Variants in GHR observed in about 807,000 individuals in gnomAD.
The protein encoded by GHR is growth hormone receptor, also known as GH receptor.
In GHR, 35 loss-of-function variants were observed where a neutral mutation model predicts 67.1. The observed-to-expected ratio is 0.52, with a 90% CI of 0.40 to 0.69. The LOEUF (loss-of-function observed/expected upper bound fraction) is 0.69, where lower values mean the gene tolerates loss of function less well. Among genes scored for constraint, GHR ranks in the 30% least tolerant of loss-of-function variants. The pLI is 0.00. For missense variants in GHR, 792 were observed against 764.6 expected (o/e 1.04, Z -0.42); for synonymous variants, 272 against 269.1 (o/e 1.01, Z -0.10).
At chr5:42,597,447 A>C (rs977511623) in intron 2 of GHR, among the ~76,000 whole-genome samples, 12 of 152,162 alleles carry the variant, frequency 7.9e-5, no homozygotes, top group African/African-American at 2.9e-4. Flanking sequence ...ACCAGTGCCC[A>C]TAGGTGGATC....
intron 8 of GHR, chr5:42,715,046 C>A (rs964309873): frequency 5.4e-6 from 2 of 368,882 alleles, no homozygotes; most frequent in Non-Finnish European, 5.3e-6. Flanking sequence ...GTAGGATTTC[C>A]AAGAAAACAT....
intron 3 of GHR, among the ~76,000 whole-genome samples, chr5:42,661,347 C>T (rs1217711671): frequency 6.6e-6 from 1 of 152,126 alleles, no homozygotes; most frequent in East Asian, 1.9e-4. Context: ...TTCAGGGCAG[C>T]CAGAGAGAAA....
chr5:42,639,534 T>C (rs1215315561), intron 3 of GHR, among the ~76,000 whole-genome samples: 1 of 152,214 alleles, frequency 6.6e-6, no homozygotes, highest in Admixed American at 6.5e-5. Context: ...AACCCCGAAT[T>C]TGAATTATTG....
At chr5:42,554,072 C>T (rs537406822) in intron 1 of GHR, among the ~76,000 whole-genome samples, 4 of 152,208 alleles carry the variant, frequency 2.6e-5, no homozygotes, top group East Asian at 1.9e-4. Context: ...ACTGAATCAG[C>T]GATTCTCAAT....
intron 4 of GHR, among the ~76,000 whole-genome samples, chr5:42,692,777 CT>C (rs1207410263): frequency 6.6e-6 from 1 of 152,098 alleles, no homozygotes; most frequent in Non-Finnish European, 1.5e-5. Context: ...AAATCCAGAC[CT>C]GTTAAGCACT....
intron 2 of GHR, among the ~76,000 whole-genome samples, chr5:42,600,147 G>A (rs1752297788): frequency 6.6e-6 from 1 of 152,162 alleles, no homozygotes; most frequent in South Asian, 2.1e-4. Context: ...TTGGAGGCAT[G>A]GGTCAATAGC....
intron 3 of GHR, among the ~76,000 whole-genome samples, chr5:42,681,517 A>G (rs1484856560): frequency 1.3e-5 from 2 of 152,240 alleles, no homozygotes; most frequent in Non-Finnish European, 2.9e-5. Flanking sequence ...GTGGGAGTGT[A>G]AATTAGTTCA....
intron 1 of GHR, among the ~76,000 whole-genome samples, chr5:42,539,726 T>C (rs951753079): frequency 6.6e-6 from 1 of 152,236 alleles, no homozygotes; most frequent in Non-Finnish European, 1.5e-5. Context: ...GCCTCCTCTG[T>C]TGTAAATTAA....
rs149227996 is a variant in GHR, at chr5:42,518,706, C to T, written c.-11-47158C>T. ...GATTTCTGCCATGAGCGCACTCGGC[C>T]TAGATGAATAAATCCTCCTTGAAGA... On this transcript the variant is annotated intron_variant, in intron 1 of 9. Transcript: ENST00000230882. 3.7e-3 allele frequency among the ~76,000 whole-genome samples: 562 copies of T among 152,198 alleles called. 2 individuals carry two copies. Among genetic ancestry groups the T allele is most frequent in the African/African-American group, 0.013 (525 of 41,512 alleles).
At chr5:42,588,587 A>G (rs184393958) in intron 2 of GHR, among the ~76,000 whole-genome samples, 1 of 150,140 alleles carries the variant, frequency 6.7e-6, no homozygotes, top group Admixed American at 6.7e-5. Flanking sequence ...TTTGAATTCA[A>G]ACTCAGGCTT....
intron 1 of GHR, among the ~76,000 whole-genome samples, chr5:42,551,322 G>A (rs1207265411): frequency 6.6e-6 from 1 of 152,206 alleles, no homozygotes; most frequent in African/African-American, 2.4e-5. Flanking sequence ...AGGCACAGAG[G>A]AGTTAACAGC....
intron 1 of GHR, among the ~76,000 whole-genome samples, chr5:42,485,447 T>C (rs1168358718): frequency 6.6e-6 from 1 of 152,328 alleles, no homozygotes; most frequent in Non-Finnish European, 1.5e-5. Flanking sequence ...TACTTGTTTT[T>C]CCCCCTTCTT....
Position 42,468,375 on chromosome 5 carries a change from T to G in GHR, c.-12+44420T>G, listed in dbSNP as rs1056457964. 22 of 1,304,236 alleles carry G rather than the reference T, an allele frequency of 1.7e-5. No homozygotes were observed. The African/African-American group carries it at 3.1e-4, about 19-fold the overall frequency. 80.8% of individuals were successfully genotyped at this position (1,304,236 alleles called of 1,614,324 possible). A position where few individuals can be genotyped will look rare whatever the true frequency, so the allele number is the denominator to read the frequency against. On this transcript the variant is annotated intron_variant, in intron 1 of 9. Transcript: ENST00000230882. ...ATAGCTGGGAGCTGCCCAGCACAGG[T>G]CAAACCCCATCTAAGCTTTATGTTT...
intron 1 of GHR, among the ~76,000 whole-genome samples, chr5:42,487,587 A>G (rs1306918895): frequency 6.6e-6 from 1 of 152,124 alleles, no homozygotes; most frequent in African/African-American, 2.4e-5. Flanking sequence ...AACAGAAGCG[A>G]CCTGCCATGT....
intron 2 of GHR, among the ~76,000 whole-genome samples, chr5:42,569,534 T>C (rs1157865376): frequency 1.3e-5 from 2 of 152,102 alleles, no homozygotes; most frequent in African/African-American, 4.8e-5. Flanking sequence ...GTATGCCATA[T>C]CCAGCCAGTA....
At chr5:42,570,402 C>T (rs1750224519) in intron 2 of GHR, among the ~76,000 whole-genome samples, 1 of 152,162 alleles carries the variant, frequency 6.6e-6, no homozygotes. Context: ...TTCAGCAGGT[C>T]ACAGCAAGCT....
Position 42,596,173 on chromosome 5 carries a change from A to G in GHR, c.70+30229A>G, listed in dbSNP as rs550264468. 2.6e-5 allele frequency among the ~76,000 whole-genome samples: 4 copies of G among 152,296 alleles called. No homozygotes were observed. In the East Asian group the frequency reaches 7.7e-4, roughly 29 times the overall value. ...TTAAAATTGATTCTCTATAATGACT[A>G]CTTATTGGCTGCTGCTCACCAGGTC... On this transcript the variant is annotated intron_variant, in intron 2 of 9. Coordinates refer to ENST00000230882, the MANE Select transcript of GHR (RefSeq NM_000163.5).
intron 1 of GHR, among the ~76,000 whole-genome samples, chr5:42,494,995 T>C (rs952440050): frequency 6.6e-6 from 1 of 152,064 alleles, no homozygotes; most frequent in African/African-American, 2.4e-5. Context: ...GAGTATCTGC[T>C]GTCTCACTGA....
chr5:42,626,435 G>C (rs149523747), intron 2 of GHR, among the ~76,000 whole-genome samples: 1,853 of 152,224 alleles, frequency 0.012, 13 homozygotes, highest in Non-Finnish European at 0.018. Flanking sequence ...AGATGGATAG[G>C]GTAAGGTATG....
Sources: gnomAD v4.1 joint callset for allele counts (sites outside exome capture counted in the v4.1 genomes callset) on GRCh38, gnomAD v4.1.1 for gene constraint, MANE v1.5 for transcripts, NCBI Gene and HGNC (gene_info 2026-07-23, HGNC 2026-07-21) for gene names.